The following SLC8A1 variants were observed in gnomAD, a reference collection of about 807,000 sequenced individuals.
SLC8A1 encodes solute carrier family 8 member A1, also known as sodium/calcium exchanger 1.
Under a neutral mutation model 68.3 loss-of-function variants are expected in SLC8A1, and 18 were observed. The ratio of observed to expected loss-of-function variants is 0.26; its 90% CI spans 0.18 to 0.39. The LOEUF (loss-of-function observed/expected upper bound fraction) is 0.39, where lower values mean the gene tolerates loss of function less well. Ranked by LOEUF, SLC8A1 falls within the 10% of genes least tolerant of loss-of-function variation. SLC8A1 has a pLI of 1.00. For synonymous variants in SLC8A1, 475 were observed against 415.5 expected (o/e 1.14, Z -1.74); for missense variants, 985 against 1,156.7 (o/e 0.85, Z 2.15).
At chr2:40,421,319 A>C (rs919673289) in intron 2 of SLC8A1, among the ~76,000 whole-genome samples, 4 of 151,990 alleles carry the variant, frequency 2.6e-5, no homozygotes, top group Admixed American at 2.6e-4. Context: ...ACTGGCTGAA[A>C]GGCACAAAGC....
intron 2 of SLC8A1, among the ~76,000 whole-genome samples, chr2:40,349,715 T>C (rs1670460649): frequency 6.6e-6 from 1 of 152,178 alleles, no homozygotes; most frequent in Admixed American, 6.5e-5. Flanking sequence ...AAGATGGTAC[T>C]ATCTGCAAAA....
chr2:40,399,532 T>C (rs1004071390), intron 2 of SLC8A1, among the ~76,000 whole-genome samples: 4 of 152,218 alleles, frequency 2.6e-5, no homozygotes, highest in East Asian at 1.9e-4. Context: ...TCTCTAGAGG[T>C]CTAGATCCAA....
intron 2 of SLC8A1, among the ~76,000 whole-genome samples, chr2:40,315,019 C>T (rs1419665548): frequency 6.6e-6 from 1 of 151,898 alleles, no homozygotes; most frequent in Non-Finnish European, 1.5e-5. Context: ...ACCTCCAGTA[C>T]AACGTTGAAT....
At chr2:40,257,001 G>A (rs924023668) in intron 2 of SLC8A1, among the ~76,000 whole-genome samples, 2 of 139,132 alleles carry the variant, frequency 1.4e-5, no homozygotes, top group Non-Finnish European at 3.1e-5. Flanking sequence ...TTATAAGATT[G>A]AGCCTATCAA....
At chr2:40,262,241 A>G (rs990173897) in intron 2 of SLC8A1, among the ~76,000 whole-genome samples, 3 of 152,164 alleles carry the variant, frequency 2.0e-5, no homozygotes, top group Non-Finnish European at 2.9e-5. Context: ...GATTACAGGC[A>G]TGAGCCACCG....
intron 7 of SLC8A1, among the ~76,000 whole-genome samples, chr2:40,122,308 G>C (rs2037088131): frequency 1.3e-5 from 2 of 152,006 alleles, no homozygotes; most frequent in African/African-American, 2.4e-5. Flanking sequence ...AAGTTCAAGA[G>C]GTAACAGAAT....
At chr2:40,289,257 C>G (rs1170009436) in intron 2 of SLC8A1, among the ~76,000 whole-genome samples, 1 of 151,794 alleles carries the variant, frequency 6.6e-6, no homozygotes, top group African/African-American at 2.4e-5. Flanking sequence ...ACAGAGTCTG[C>G]TGAAAAATAT....
intron 2 of SLC8A1, among the ~76,000 whole-genome samples, chr2:40,290,573 T>C (rs1030593854): frequency 1.3e-5 from 2 of 152,280 alleles, no homozygotes; most frequent in South Asian, 4.1e-4. Flanking sequence ...CATAAGTCCA[T>C]GTTAAATACT....
chr2:40,374,440 G>A (rs1679146616), intron 2 of SLC8A1, among the ~76,000 whole-genome samples: 1 of 151,872 alleles, frequency 6.6e-6, no homozygotes, highest in Non-Finnish European at 1.5e-5. Flanking sequence ...TATATGGAAA[G>A]GACTTAAGGC....
chr2:40,305,834 TTAAAA>T (rs373795006), intron 2 of SLC8A1, among the ~76,000 whole-genome samples: 51 of 152,332 alleles, frequency 3.3e-4, no homozygotes, highest in African/African-American at 1.1e-3. Context: ...AATAAGACAC[TTAAAA>T]TAAATATATT....
intron 1 of SLC8A1, among the ~76,000 whole-genome samples, chr2:40,500,764 T>C (rs979997235): frequency 6.9e-6 from 1 of 145,512 alleles, no homozygotes; most frequent in Non-Finnish European, 1.5e-5. Context: ...ACATAGACAC[T>C]GAACCTATAA....
At chr2:40,504,670 C>A (rs890592298) in intron 1 of SLC8A1, among the ~76,000 whole-genome samples, 2 of 151,968 alleles carry the variant, frequency 1.3e-5, no homozygotes, top group African/African-American at 4.8e-5. Flanking sequence ...AGACAGTTCT[C>A]AAAAGAAGAC....
At chr2:40,443,045 G>A (rs1382065094) in intron 1 of SLC8A1, among the ~76,000 whole-genome samples, 4 of 151,962 alleles carry the variant, frequency 2.6e-5, no homozygotes, top group African/African-American at 7.3e-5. Context: ...ATAAGTAGGA[G>A]TTGAACAATG....
At chr2:40,318,115 T>C (rs140344923) in intron 2 of SLC8A1, among the ~76,000 whole-genome samples, 69 of 152,230 alleles carry the variant, frequency 4.5e-4, no homozygotes, top group Non-Finnish European at 8.7e-4. Flanking sequence ...TTTCTCTCTT[T>C]ACATCTTAAG....
intron 2 of SLC8A1, among the ~76,000 whole-genome samples, chr2:40,276,480 A>G (rs893645415): frequency 3.3e-5 from 5 of 152,192 alleles, no homozygotes; most frequent in African/African-American, 4.8e-5. Context: ...TTCCTAATGC[A>G]TTATTCTCTA....
intron 2 of SLC8A1, among the ~76,000 whole-genome samples, chr2:40,347,026 G>A (rs971188202): frequency 5.3e-5 from 8 of 152,188 alleles, no homozygotes; most frequent in African/African-American, 1.9e-4. Flanking sequence ...TCAAAGCACA[G>A]CATGTGACAG....
At chr2:40,275,843 G>A (rs1559058836) in intron 2 of SLC8A1, among the ~76,000 whole-genome samples, 1 of 152,172 alleles carries the variant, frequency 6.6e-6, no homozygotes, top group Admixed American at 6.5e-5. Context: ...CTGGATGGAT[G>A]TTGTTGGTGA....
intron 1 of SLC8A1, among the ~76,000 whole-genome samples, chr2:40,436,247 T>C (rs1174949536): frequency 6.6e-6 from 1 of 152,130 alleles, no homozygotes; most frequent in Non-Finnish European, 1.5e-5. Flanking sequence ...CATCTGCTTA[T>C]TGAATGAGTA....
chr2:40,475,053 G>A (rs1034376690), intron 1 of SLC8A1, among the ~76,000 whole-genome samples: 2 of 152,052 alleles, frequency 1.3e-5, no homozygotes, highest in Admixed American at 6.6e-5. Context: ...TTTAGGAATC[G>A]ATTTGTTGTA....
Sources: gnomAD v4.1 joint callset for allele counts (sites outside exome capture counted in the v4.1 genomes callset) on GRCh38, gnomAD v4.1.1 for gene constraint, MANE v1.5 for transcripts, NCBI Gene and HGNC (gene_info 2026-07-23, HGNC 2026-07-21) for gene names.